Variants in CRB1 observed in about 807,000 individuals in gnomAD.
CRB1 encodes protein crumbs homolog 1.
CRB1 carries 83 observed loss-of-function variants against 120.0 expected under a neutral mutation model. The observed-to-expected ratio is 0.69, with a 90% CI of 0.58 to 0.83. CRB1 has a LOEUF of 0.83. Among genes scored for constraint, CRB1 ranks in the 40% least tolerant of loss-of-function variants. The pLI, the probability that CRB1 is intolerant of heterozygous loss-of-function variation, is 0.00. For synonymous variants in CRB1, 625 were observed against 612.5 expected (o/e 1.02, Z -0.30); for missense variants, 1,699 against 1,687.6 (o/e 1.01, Z -0.12).
chr1:197,322,197 C>T (rs1405730491), intron 1 of CRB1, among the ~76,000 whole-genome samples: 1 of 152,102 alleles, frequency 6.6e-6, no homozygotes, highest in Admixed American at 6.6e-5. Flanking sequence ...AGTTTTTACA[C>T]TGGCCAGGTA....
At chr1:197,461,568 C>T (rs1571613948) in intron 11 of CRB1, among the ~76,000 whole-genome samples, 1 of 152,160 alleles carries the variant, frequency 6.6e-6, no homozygotes, top group South Asian at 2.1e-4. Flanking sequence ...TCTCATGGCA[C>T]TGCAAGCTAG....
chr1:197,208,512 T>C, the CRB1 span, among the ~76,000 whole-genome samples: 9 of 152,174 alleles, frequency 5.9e-5, no homozygotes, highest in African/African-American at 1.4e-4. Flanking sequence ...AGCCACCCAG[T>C]GGAGCTACCA....
At chr1:197,355,928 C>T (rs575942235) in intron 4 of CRB1, among the ~76,000 whole-genome samples, 3 of 152,310 alleles carry the variant, frequency 2.0e-5, no homozygotes, top group South Asian at 4.1e-4. Flanking sequence ...GCGAGGGCTG[C>T]GAGGGCTGCC....
At chr1:197,235,446 T>G in the CRB1 span, among the ~76,000 whole-genome samples, 2 of 152,204 alleles carry the variant, frequency 1.3e-5, no homozygotes, top group Non-Finnish European at 2.9e-5. Context: ...AGCTTGCTCA[T>G]GTACTGCTTT....
intron 3 of CRB1, among the ~76,000 whole-genome samples, chr1:197,345,789 T>G (rs1295378235): frequency 6.6e-6 from 1 of 152,178 alleles, no homozygotes; most frequent in Non-Finnish European, 1.5e-5. Flanking sequence ...ATTACAGGTG[T>G]GAGCCACTGC....
intron 1 of CRB1, among the ~76,000 whole-genome samples, chr1:197,309,362 A>T (rs138547295): frequency 6.6e-6 from 1 of 152,138 alleles, no homozygotes; most frequent in South Asian, 2.1e-4. Context: ...GTGGACTAAC[A>T]TAACACCTTC....
intron 7 of CRB1, among the ~76,000 whole-genome samples, chr1:197,428,371 TA>T (rs1479945607): frequency 7.2e-5 from 11 of 152,260 alleles, no homozygotes; most frequent in African/African-American, 2.7e-4. Context: ...AACTTTATTT[TA>T]AATGCCCAAC....
the CRB1 span, among the ~76,000 whole-genome samples, chr1:197,206,007 T>C: frequency 2.1e-4 from 32 of 152,212 alleles, no homozygotes; most frequent in Admixed American, 1.8e-3. Flanking sequence ...TCCAGGTATT[T>C]ATCCATCTCC....
At chr1:197,447,380 A>G (rs921206810) in intron 11 of CRB1, 4 of 152,252 alleles carry the variant, frequency 2.6e-5, no homozygotes, top group Non-Finnish European at 5.9e-5. Context: ...ACCATTTTAT[A>G]TAACATAATT....
chr1:197,333,622 A>G (rs1658987474), intron 2 of CRB1, among the ~76,000 whole-genome samples: 2 of 152,362 alleles, frequency 1.3e-5, no homozygotes, highest in Middle Eastern at 3.4e-3. Context: ...GTATAAAAGT[A>G]ATCTTTTGGG....
intron 8 of CRB1, 147 bp from the exon 9 acceptor site, chr1:197,434,559 T>C (rs796901474): frequency 8.8e-6 from 6 of 681,180 alleles, no homozygotes; most frequent in Admixed American, 3.1e-5. Flanking sequence ...TTAGAAATAA[T>C]ATAAAAGCAA....
At chr1:197,226,893 C>T in the CRB1 span, among the ~76,000 whole-genome samples, 2 of 152,000 alleles carry the variant, frequency 1.3e-5, no homozygotes, top group African/African-American at 4.8e-5. Flanking sequence ...GAGCAGAAAC[C>T]CCTGATAAAA....
At position 197,477,672 on chromosome 1, in the gene CRB1, T is replaced by A. The variant is rs778204458; in HGVS notation, c.4014T>A (p.Asp1338Glu). 1.2e-5 allele frequency: 20 copies of A among 1,613,690 alleles called. No individual in the cohort carries two copies. The highest frequency in any genetic ancestry group is 1.7e-5 in the Non-Finnish European group (20 of 1,179,756). Residue 1338 changes from aspartate (D) to glutamate (E), a missense_variant, in exon 12 of 12, where the codon GAT (aspartate) becomes GAA (glutamate). Physicochemically the swap from Asp to Glu is conservative, Grantham distance 45. Coordinates refer to ENST00000367400, the MANE Select transcript of CRB1 (RefSeq NM_201253.3). Reference protein sequence around the residue: ...AGERCEVDLADDLISDIFTTI... With the variant: ...AGERCEVDLAEDLISDIFTTI... ...GATTTCAATCTTTCCAGTTGGCAGA[T>A]GACTTGATCTCCGACATTTTCACCA...
chr1:197,465,495 A>T lies in CRB1; in HGVS notation c.4006-12169A>T, dbSNP rs147430660. ...ACCTTTAGTTCTAAAACTAAATACT[A>T]TTTCAATAAATCCTCATAATATGAA... On this transcript the variant is annotated intron_variant, in intron 11 of 11. Transcript: ENST00000367400. 1.4e-3 allele frequency among the ~76,000 whole-genome samples: 214 copies of T among 152,240 alleles called. 4 individuals are homozygous for T. Among genetic ancestry groups the T allele is most frequent in the African/African-American group, 5.0e-3 (207 of 41,550 alleles).
chr1:197,280,797 G>A (rs1317900518), intron 1 of CRB1, among the ~76,000 whole-genome samples: 1 of 151,692 alleles, frequency 6.6e-6, no homozygotes, highest in Non-Finnish European at 1.5e-5. Flanking sequence ...TTCATGGCTG[G>A]TAAACTCATA....
the CRB1 span, among the ~76,000 whole-genome samples, chr1:197,233,697 C>CTAGA: frequency 5.4e-3 from 829 of 152,346 alleles, 10 homozygotes; most frequent in African/African-American, 0.019. Context: ...TGCCATACTA[C>CTAGA]TAGAATATGG....
At chr1:197,462,909 T>G (rs1666594389) in intron 11 of CRB1, among the ~76,000 whole-genome samples, 1 of 150,614 alleles carries the variant, frequency 6.6e-6, no homozygotes, top group African/African-American at 2.4e-5. Flanking sequence ...TTCTTCACCA[T>G]TAATATTTAC....
chr1:197,365,642 T>TA (rs1661030487), intron 5 of CRB1, among the ~76,000 whole-genome samples: 3 of 149,914 alleles, frequency 2.0e-5, no homozygotes, highest in African/African-American at 7.4e-5. Flanking sequence ...TTTTTTTTTT[T>TA]ATCAGTAGGG....
chr1:197,446,162 C>G (rs556452432), intron 11 of CRB1, among the ~76,000 whole-genome samples: 2 of 149,470 alleles, frequency 1.3e-5, no homozygotes, highest in Admixed American at 6.7e-5. Flanking sequence ...TACACTCCAG[C>G]CTGGGTGACA....
Sources: allele counts gnomAD v4.1 joint callset (sites outside exome capture counted in the v4.1 genomes callset), GRCh38; gene constraint gnomAD v4.1.1; transcripts MANE v1.5; gene names NCBI Gene and HGNC (gene_info 2026-07-23, HGNC 2026-07-21).